The following PPP2R3A variants were observed in gnomAD, a reference collection of about 807,000 sequenced individuals.
The protein encoded by PPP2R3A is protein phosphatase 2 regulatory subunit B''alpha, also known as serine/threonine-protein phosphatase 2A regulatory subunit B'' subunit alpha.
Under a neutral mutation model 106.9 loss-of-function variants are expected in PPP2R3A, and 80 were observed. The ratio of observed to expected loss-of-function variants is 0.75; its 90% CI spans 0.62 to 0.90. The LOEUF (loss-of-function observed/expected upper bound fraction) is 0.90, where lower values mean the gene tolerates loss of function less well. Ranked by LOEUF, PPP2R3A falls within the 40% of genes least tolerant of loss-of-function variation. PPP2R3A has a pLI of 0.00. For synonymous variants in PPP2R3A, 483 were observed against 468.3 expected, an observed-to-expected ratio of 1.03 and a Z score of -0.41; for missense variants, 1,386 against 1,350.4, an observed-to-expected ratio of 1.03 and a Z score of -0.41.
chr3:136,144,235 T>G (rs937647038), intron 13 of PPP2R3A, among the ~76,000 whole-genome samples: 20 of 152,238 alleles, frequency 1.3e-4, no homozygotes, highest in African/African-American at 4.8e-4. Context: ...AGGTATGCTA[T>G]AGAGACCTAA....
chr3:136,070,404 ACAGGAAGGAAAAAC>A (rs1936390472), intron 5 of PPP2R3A, 60 bp from the exon 6 acceptor site: 1 of 1,209,650 alleles, frequency 8.3e-7, no homozygotes, highest in East Asian at 2.5e-5. Context: ...CTGGCAACAT[ACAGGAAGGAAAAAC>A]TTCCATAGGC....
chr3:135,970,162 T>G (rs1355025319), intron 1 of PPP2R3A, among the ~76,000 whole-genome samples: 1 of 152,208 alleles, frequency 6.6e-6, no homozygotes, highest in Non-Finnish European at 1.5e-5. Flanking sequence ...GCTGTGGAAG[T>G]TGAGAACCAC....
intron 2 of PPP2R3A, 60 bp from the exon 3 acceptor site, chr3:136,026,772 T>C: frequency 3.4e-6 from 5 of 1,465,120 alleles, no homozygotes; most frequent in Non-Finnish European, 4.6e-6. Flanking sequence ...CTGGTGAGAA[T>C]TTTCAGTAAA....
chr3:136,058,107 C>T (rs548838222), intron 5 of PPP2R3A, among the ~76,000 whole-genome samples: 17 of 152,032 alleles, frequency 1.1e-4, no homozygotes, highest in African/African-American at 1.7e-4. Flanking sequence ...GAACATACCT[C>T]GAAATCATAA....
intron 5 of PPP2R3A, among the ~76,000 whole-genome samples, chr3:136,065,007 T>A (rs1576474805): frequency 6.6e-6 from 1 of 151,900 alleles, no homozygotes; most frequent in African/African-American, 2.4e-5. Flanking sequence ...CAATAAAATA[T>A]GAAGGTAAAA....
chr3:136,088,193 C>T (rs796934562), intron 9 of PPP2R3A, among the ~76,000 whole-genome samples: 95 of 152,254 alleles, frequency 6.2e-4, no homozygotes, highest in African/African-American at 2.2e-3. Context: ...AGGATCCTGT[C>T]ACACAGGCAG....
chr3:136,034,625 C>G (rs1373585063), intron 3 of PPP2R3A, among the ~76,000 whole-genome samples: 1 of 152,116 alleles, frequency 6.6e-6, no homozygotes, highest in Non-Finnish European at 1.5e-5. Flanking sequence ...TGTATTGAGG[C>G]TCGTTTTGTG....
intron 5 of PPP2R3A, among the ~76,000 whole-genome samples, chr3:136,053,585 C>T (rs750457580): frequency 6.6e-6 from 1 of 152,132 alleles, no homozygotes; most frequent in Non-Finnish European, 1.5e-5. Flanking sequence ...TTTCCTGGTT[C>T]ACAAATATAA....
intron 13 of PPP2R3A, among the ~76,000 whole-genome samples, chr3:136,134,876 T>C (rs906752925): frequency 6.6e-6 from 1 of 152,132 alleles, no homozygotes; most frequent in Non-Finnish European, 1.5e-5. Context: ...CTTTGGAGTA[T>C]ACCCTTCTAT....
intron 6 of PPP2R3A, among the ~76,000 whole-genome samples, chr3:136,071,656 A>G (rs139379410): frequency 5.0e-4 from 76 of 152,296 alleles, no homozygotes; most frequent in African/African-American, 1.8e-3. Context: ...AAAATCAGCC[A>G]GATCATGTCA....
intron 2 of PPP2R3A, among the ~76,000 whole-genome samples, chr3:136,013,027 A>C (rs542301881): frequency 4.6e-5 from 7 of 152,168 alleles, no homozygotes; most frequent in Non-Finnish European, 1.0e-4. Flanking sequence ...GCTCTAGCTT[A>C]TAAGTGAGAA....
At chr3:135,985,967 A>G (rs986007710) in intron 1 of PPP2R3A, among the ~76,000 whole-genome samples, 1 of 152,160 alleles carries the variant, frequency 6.6e-6, no homozygotes, top group Non-Finnish European at 1.5e-5. Context: ...GATAGTAGGC[A>G]GTAGAGTCTG....
intron 1 of PPP2R3A, among the ~76,000 whole-genome samples, chr3:135,984,856 A>C (rs915577002): frequency 6.6e-6 from 1 of 152,086 alleles, no homozygotes; most frequent in African/African-American, 2.4e-5. Context: ...CCTCACAATC[A>C]TGGCAGAAGG....
Position 135,988,707 on chromosome 3 carries a change from A to G in PPP2R3A, c.-440-12352A>G, listed in dbSNP as rs557235624. Among the ~76,000 whole-genome samples, 62 of 152,160 alleles carry G rather than the reference A, an allele frequency of 4.1e-4. 2 individuals are homozygous for G. The highest frequency in any genetic ancestry group is 1.4e-3 in the African/African-American group (60 of 41,522). On this transcript the variant is annotated intron_variant, in intron 1 of 13. Transcript: ENST00000264977. ...TTCCCCTAACCCACCCACTGAAGAC[A>G]CCAGTCCAGTTGTCTTATAGAATGA...
intron 13 of PPP2R3A, among the ~76,000 whole-genome samples, chr3:136,132,151 C>CT (rs745414567): frequency 6.6e-6 from 1 of 151,744 alleles, no homozygotes; most frequent in Non-Finnish European, 1.5e-5. Flanking sequence ...TACCCTAGAA[C>CT]TTTAAGTATA....
At chr3:136,117,828 A>T (rs1005234027) in intron 13 of PPP2R3A, among the ~76,000 whole-genome samples, 6 of 152,228 alleles carry the variant, frequency 3.9e-5, no homozygotes, top group Non-Finnish European at 8.8e-5. Flanking sequence ...TCCTTCTGAA[A>T]CTATTCCAAT....
intron 11 of PPP2R3A, among the ~76,000 whole-genome samples, chr3:136,102,979 A>G (rs1285558710): frequency 6.6e-6 from 1 of 152,140 alleles, no homozygotes; most frequent in African/African-American, 2.4e-5. Flanking sequence ...GATAGTGGTA[A>G]TGGTTGTACA....
chr3:136,087,893 C>T lies in PPP2R3A; in HGVS notation c.2799C>T (p.Ser933=). 1 of 1,609,150 alleles carries T rather than the reference C, an allele frequency of 6.2e-7. No individual in the cohort carries two copies. Among genetic ancestry groups the T allele is most frequent in the Non-Finnish European group, 8.5e-7 (1 of 1,176,798 alleles). Residue 933 remains serine (S), a synonymous_variant, in exon 9 of 14, where the codon AGC becomes AGT. Transcript: ENST00000264977. The part of the protein sequence containing the change: ...LSRYNDQASS[S]RIIERIFSGA... Reference sequence around the variant, plus strand: ...TTTATCTACATTTAGCTTCATCAAGCAGGATTATTGAAAGGATATTCTCTG... The same window carrying T: ...TTTATCTACATTTAGCTTCATCAAGTAGGATTATTGAAAGGATATTCTCTG...
chr3:136,030,496 G>A (rs1038759102), intron 3 of PPP2R3A, among the ~76,000 whole-genome samples: 17 of 151,722 alleles, frequency 1.1e-4, no homozygotes, highest in East Asian at 3.9e-4. Context: ...TGGTGCATCC[G>A]TCACCCAGGC....
Sources: gnomAD v4.1 joint callset for allele counts (sites outside exome capture counted in the v4.1 genomes callset) on GRCh38, gnomAD v4.1.1 for gene constraint, MANE v1.5 for transcripts, NCBI Gene and HGNC (gene_info 2026-07-23, HGNC 2026-07-21) for gene names.